The following GRM5 variants were observed in gnomAD, a reference collection of about 807,000 sequenced individuals.
GRM5 encodes metabotropic glutamate receptor 5.
GRM5 carries 19 observed loss-of-function variants against 83.1 expected under a neutral mutation model. The observed-to-expected ratio is 0.23, with a 90% CI of 0.16 to 0.34. The LOEUF is 0.34. Ranked by LOEUF, GRM5 falls within the 10% of genes least tolerant of loss-of-function variation. The pLI, the probability that GRM5 is intolerant of heterozygous loss-of-function variation, is 1.00. For synonymous variants in GRM5, 675 were observed against 633.6 expected, an observed-to-expected ratio of 1.07 and a Z score of -0.98; for missense variants, 1,160 against 1,588.3, an observed-to-expected ratio of 0.73 and a Z score of 4.58.
chr11:88,831,292 G>T (rs1188363074), intron 3 of GRM5, among the ~76,000 whole-genome samples: 1 of 152,210 alleles, frequency 6.6e-6, no homozygotes, highest in Non-Finnish European at 1.5e-5. Context: ...GCCACAAGTA[G>T]CAGGGCCATC....
At chr11:88,591,659 G>T (rs907368698) in intron 6 of GRM5, among the ~76,000 whole-genome samples, 1 of 152,130 alleles carries the variant, frequency 6.6e-6, no homozygotes, top group African/African-American at 2.4e-5. Context: ...AATAACATCA[G>T]CTAGATACCT....
chr11:89,024,204 A>G (rs1941070827), intron 2 of GRM5, among the ~76,000 whole-genome samples: 1 of 152,132 alleles, frequency 6.6e-6, no homozygotes, highest in African/African-American at 2.4e-5. Flanking sequence ...ACAGAGTGAG[A>G]CTCTATCTTA....
At chr11:88,630,584 CACACACAT>C (rs1342093610) in intron 4 of GRM5, among the ~76,000 whole-genome samples, 12 of 110,734 alleles carry the variant, frequency 1.1e-4, no homozygotes, top group East Asian at 5.0e-4. Flanking sequence ...AACACACACA[CACACACAT>C]ATTATGATGG....
intron 3 of GRM5, among the ~76,000 whole-genome samples, chr11:88,701,972 C>A (rs961688): frequency 0.56 from 85,144 of 151,796 alleles, 26,816 homozygotes; most frequent in South Asian, 0.8. Flanking sequence ...GATCTCTATT[C>A]TAACATTAAT....
chr11:88,538,874 C>T (rs1207009759), intron 8 of GRM5, among the ~76,000 whole-genome samples: 1 of 152,220 alleles, frequency 6.6e-6, no homozygotes, highest in Non-Finnish European at 1.5e-5. Context: ...TAAATTGCTT[C>T]TCACTAAAAT....
rs184515850 is a variant in GRM5 at position 89,062,214 on chromosome 11, G to T, written c.-201+3562C>A. ...TGTGTAATTACATTGAGGTAACTGAGAAATTAAAGGAGGAAACTCCCTGCA... is the reference window on the plus strand; with the variant it reads ...TGTGTAATTACATTGAGGTAACTGATAAATTAAAGGAGGAAACTCCCTGCA... On this transcript the variant is annotated intron_variant, in intron 1 of 9. Coordinates refer to ENST00000305447, the MANE Select transcript of GRM5 (RefSeq NM_001143831.3). Among the ~76,000 whole-genome samples, 33 of 152,308 alleles carry T rather than the reference G, an allele frequency of 2.2e-4. No individual in the cohort carries two copies. The East Asian group carries it at 6.2e-3, about 29-fold the overall frequency.
chr11:89,047,510 T>G lies in GRM5; in HGVS notation c.363A>C (p.Glu121Asp), dbSNP rs775240392. ...CACAGCGTACCAAGCCTTCTTCCTC[T>G]TCTGAAGAAATGAGGGAATCTCTTA... ...EFIRDSLISS[E>D]EEEGLVRCVD... The change falls in exon 2 of 10, where the codon GAA becomes GAC. Residue 121 changes from glutamate to aspartate, a missense_variant. Glu to Asp is a conservative substitution (Grantham distance 45). Coordinates refer to ENST00000305447, the MANE Select transcript of GRM5 (RefSeq NM_001143831.3). This position sits in a 1 kb window ranked among gnomAD's most constrained non-coding sequence, Gnocchi z 5.1. 6.2e-7 allele frequency: 1 copy of G among 1,614,170 alleles called. No homozygotes were observed. The highest frequency in any genetic ancestry group is 8.5e-7 in the Non-Finnish European group (1 of 1,179,992).
At chr11:88,609,355 A>G (rs989621513) in intron 4 of GRM5, among the ~76,000 whole-genome samples, 1 of 152,134 alleles carries the variant, frequency 6.6e-6, no homozygotes, top group African/African-American at 2.4e-5. Context: ...TTCATGGTGT[A>G]TATGTACCAT....
chr11:88,641,176 G>C (rs542135473), intron 4 of GRM5, among the ~76,000 whole-genome samples: 1 of 152,186 alleles, frequency 6.6e-6, no homozygotes, highest in East Asian at 1.9e-4. Flanking sequence ...AGGACCAAGA[G>C]AGAGAGTGGA....
At chr11:88,980,344 C>G (rs1169139288) in intron 2 of GRM5, among the ~76,000 whole-genome samples, 2 of 152,046 alleles carry the variant, frequency 1.3e-5, no homozygotes, top group Non-Finnish European at 2.9e-5. Flanking sequence ...TAAGAGAGTC[C>G]TAAGTGAATG....
At chr11:88,888,156 C>A (rs1372155001) in intron 2 of GRM5, among the ~76,000 whole-genome samples, 4 of 152,234 alleles carry the variant, frequency 2.6e-5, no homozygotes, top group Admixed American at 2.6e-4. Context: ...GGACCTCAGG[C>A]AATTAAAGGG....
At chr11:88,850,553 A>G (rs1264250078) in intron 2 of GRM5, among the ~76,000 whole-genome samples, 1 of 151,544 alleles carries the variant, frequency 6.6e-6, no homozygotes, top group Non-Finnish European at 1.5e-5. Context: ...TTTTGTATTT[A>G]AAGATATAGT....
Position 88,998,339 on chromosome 11 carries a change from C to T in GRM5, c.661+48873G>A, listed in dbSNP as rs556360125. ...CATATGACATGATCATATCAATGAA[C>T]GCAGAGATACCATTTGATAAAAATC... On this transcript the variant is annotated intron_variant, in intron 2 of 9. Coordinates refer to ENST00000305447, the MANE Select transcript of GRM5 (RefSeq NM_001143831.3). Among the ~76,000 whole-genome samples, 71 of 151,980 alleles carry T rather than the reference C, an allele frequency of 4.7e-4. 1 individual carries two copies. Among genetic ancestry groups the T allele is most frequent in the African/African-American group, 1.3e-3 (53 of 41,426 alleles).
In GRM5 at chr11:88,850,456, C is replaced by T. The variant is rs924217994; in HGVS notation, c.662-301G>A. 2.6e-3 allele frequency among the ~76,000 whole-genome samples: 388 copies of T among 152,112 alleles called. 1 individual carries two copies. Among genetic ancestry groups the T allele is most frequent in the African/African-American group, 9.2e-3 (380 of 41,508 alleles). ...AAATAGCTCTTATTCTAAATATGAGCTGATGGAAATATTTATCTGCTATTT... is the reference window on the plus strand; with the variant it reads ...AAATAGCTCTTATTCTAAATATGAGTTGATGGAAATATTTATCTGCTATTT... On this transcript the variant is annotated intron_variant, in intron 2 of 9. Transcript: ENST00000305447.
At chr11:88,713,521 A>G (rs1941328625) in intron 3 of GRM5, among the ~76,000 whole-genome samples, 1 of 152,022 alleles carries the variant, frequency 6.6e-6, no homozygotes, top group Admixed American at 6.6e-5. Flanking sequence ...AGATCTCTCT[A>G]TATCTGCTAC....
intron 1 of GRM5, among the ~76,000 whole-genome samples, chr11:89,053,770 A>C: frequency 6.6e-6 from 1 of 152,184 alleles, no homozygotes; most frequent in East Asian, 1.9e-4. Context: ...AGAAGCATAA[A>C]CTGAAAAAAT....
At chr11:89,031,330 A>G (rs1322296559) in intron 2 of GRM5, among the ~76,000 whole-genome samples, 1 of 151,984 alleles carries the variant, frequency 6.6e-6, no homozygotes, top group East Asian at 1.9e-4. Context: ...TTCAAGTTGT[A>G]CAAGAATTTA....
At chr11:88,754,239 C>T (rs1308831806) in intron 3 of GRM5, among the ~76,000 whole-genome samples, 1 of 152,010 alleles carries the variant, frequency 6.6e-6, no homozygotes, top group Admixed American at 6.6e-5. Context: ...GTGATGAGAA[C>T]ACTGGACACA....
intron 3 of GRM5, among the ~76,000 whole-genome samples, chr11:88,828,208 G>A (rs898522532): frequency 3.9e-5 from 6 of 152,108 alleles, no homozygotes; most frequent in African/African-American, 1.4e-4. Context: ...TGTTAATCTG[G>A]TAACATAGTG....
Sources: allele counts gnomAD v4.1 joint callset (sites outside exome capture counted in the v4.1 genomes callset), GRCh38; gene constraint gnomAD v4.1.1; non-coding constraint Gnocchi (gnomAD v3.1); transcripts MANE v1.5; gene names NCBI Gene and HGNC (gene_info 2026-07-23, HGNC 2026-07-21).